The following TET1 variants were observed in gnomAD, a reference collection of about 807,000 sequenced individuals.
The protein encoded by TET1 is methylcytosine dioxygenase TET1.
Under a neutral mutation model 148.7 loss-of-function variants are expected in TET1, and 13 were observed. The ratio of observed to expected loss-of-function variants is 0.09; its 90% confidence interval spans 0.06 to 0.14. The LOEUF (loss-of-function observed/expected upper bound fraction) is 0.14, where lower values mean the gene tolerates loss of function less well. Ranked by LOEUF, TET1 falls within the 10% of genes least tolerant of loss-of-function variation. The pLI, the probability that TET1 is intolerant of heterozygous loss-of-function variation, is 1.00. For missense variants in TET1, 2,182 were observed against 2,553.8 expected, an observed-to-expected ratio of 0.85 and a Z score of 3.14; for synonymous variants, 907 against 937.2, an observed-to-expected ratio of 0.97 and a Z score of 0.59.
Position 68,573,532 on chromosome 10 carries a change from T to G in TET1, c.1194T>G (p.Ile398Met). 6.2e-7 allele frequency: 1 copy of G among 1,614,232 alleles called. No homozygotes were observed. The highest frequency in any genetic ancestry group is 1.1e-5 in the South Asian group (1 of 91,086). Reference protein sequence around the residue: ...ALGETPDLPEIPGAIPVQGEV... With the variant: ...ALGETPDLPEMPGAIPVQGEV... ...GTGAGACCCCAGATCTACCAGAGATTCCTGGTGCTATTCCAGTCCAAGGAG... is the reference window on the plus strand; with the variant it reads ...GTGAGACCCCAGATCTACCAGAGATGCCTGGTGCTATTCCAGTCCAAGGAG... Residue 398 changes from isoleucine to methionine, a missense_variant, in exon 2 of 12, where the codon ATT becomes ATG. Ile to Met is a conservative substitution (Grantham distance 10). Around this residue, in one of 11 missense-constraint regions of TET1, gnomAD observed 665 missense variants for 672.4 expected, o/e 0.99. Coordinates refer to ENST00000373644, the MANE Select transcript of TET1 (RefSeq NM_030625.3).
At chr10:68,564,273 C>T (rs533886312) in intron 1 of TET1, among the ~76,000 whole-genome samples, 1 of 151,868 alleles carries the variant, frequency 6.6e-6, no homozygotes, top group South Asian at 2.1e-4. Flanking sequence ...CTCAGCTTCC[C>T]TAGTAGCTAG....
intron 2 of TET1, among the ~76,000 whole-genome samples, chr10:68,593,761 C>T (rs920089182): frequency 1.3e-4 from 20 of 151,658 alleles, no homozygotes; most frequent in Admixed American, 2.0e-4. Context: ...TACAGGCACC[C>T]GCCACCACGC....
rs2055604436 is a variant in TET1, at chr10:68,692,313, A to G, written c.*499A>G. The G allele has an allele frequency of 4.3e-6, 1 of 232,710 alleles. No homozygotes were observed. The highest frequency in any genetic ancestry group is 8.5e-6 in the Non-Finnish European group (1 of 117,562). The allele number at this position is 232,710 out of a possible 1,614,324, so 14.4% of individuals were successfully genotyped here. Reference sequence around the variant, plus strand: ...CCAATCATTGCTAGAAAATTGGCATATTCCTTTGAAATAAACTTATGAAAT... The same window carrying G: ...CCAATCATTGCTAGAAAATTGGCATGTTCCTTTGAAATAAACTTATGAAAT... On this transcript the variant is annotated 3_prime_UTR_variant, in exon 12 of 12. Coordinates refer to ENST00000373644, the MANE Select transcript of TET1 (RefSeq NM_030625.3).
At chr10:68,680,160 T>C (rs1483665073) in intron 8 of TET1, among the ~76,000 whole-genome samples, 1 of 152,218 alleles carries the variant, frequency 6.6e-6, no homozygotes, top group Non-Finnish European at 1.5e-5. Flanking sequence ...CACTAAATAA[T>C]TGACTTGCTG....
intron 8 of TET1, among the ~76,000 whole-genome samples, chr10:68,673,943 TTTTTCTTTTTCTTTTTC>T (rs2055312731): frequency 1.5e-5 from 2 of 134,462 alleles, no homozygotes; most frequent in African/African-American, 5.7e-5. Context: ...TTCTTTTTTT[TTTTTCTTTTTCTTTTTC>T]TTTTTTTTTT....
At chr10:68,651,029 A>G (rs112338998) in intron 4 of TET1, among the ~76,000 whole-genome samples, 8 of 152,284 alleles carry the variant, frequency 5.3e-5, no homozygotes, top group African/African-American at 1.9e-4. Flanking sequence ...TTATTGTTTC[A>G]ATAGATTTAT....
Position 68,667,035 on chromosome 10 carries a change from G to T in TET1, c.4462-10G>T. On this transcript the variant is annotated splice_polypyrimidine_tract_variant and intron_variant, in intron 6 of 11. Transcript: ENST00000373644. ...TGTCTTCCATAGATGAATGTATTCTGTTTTTTCAGGTTTTAAGAAGAAGCA... is the reference window on the plus strand; with the variant it reads ...TGTCTTCCATAGATGAATGTATTCTTTTTTTTCAGGTTTTAAGAAGAAGCA... The T allele has an allele frequency of 1.2e-6, 2 of 1,611,970 alleles. No individual in the cohort carries two copies. The highest frequency in any genetic ancestry group is 1.1e-5 in the South Asian group (1 of 90,824).
chr10:68,596,706 A>T (rs753914240), intron 2 of TET1, among the ~76,000 whole-genome samples: 5 of 152,154 alleles, frequency 3.3e-5, no homozygotes, highest in Admixed American at 6.6e-5. Context: ...ACAAGTATAG[A>T]TCTTCGTGGT....
chr10:68,579,718 C>G (rs577323271), intron 2 of TET1, among the ~76,000 whole-genome samples: 3 of 152,328 alleles, frequency 2.0e-5, no homozygotes, highest in African/African-American at 7.2e-5. Flanking sequence ...AGCCTAGATT[C>G]ATTAGCAGGG....
At chr10:68,580,313 ATTTT>A (rs1163318028) in intron 2 of TET1, among the ~76,000 whole-genome samples, 2 of 60,434 alleles carry the variant, frequency 3.3e-5, no homozygotes, top group African/African-American at 6.8e-5. Context: ...ATTATATTCA[ATTTT>A]TTTTTTTTTT....
intron 3 of TET1, among the ~76,000 whole-genome samples, chr10:68,626,432 C>T (rs1217115512): frequency 6.6e-6 from 1 of 152,062 alleles, no homozygotes; most frequent in Non-Finnish European, 1.5e-5. Flanking sequence ...AACTCCTGGC[C>T]TCAAGGGATC....
At chr10:68,584,966 G>A (rs1159783399) in intron 2 of TET1, among the ~76,000 whole-genome samples, 4 of 150,650 alleles carry the variant, frequency 2.7e-5, no homozygotes, top group African/African-American at 4.9e-5. Flanking sequence ...GACTACAGGC[G>A]CCTGCCACCA....
chr10:68,610,526 G>A (rs938283067), intron 3 of TET1, among the ~76,000 whole-genome samples: 1 of 151,086 alleles, frequency 6.6e-6, no homozygotes, highest in Non-Finnish European at 1.5e-5. Context: ...AGGGGGCGGA[G>A]GTTGCAGTGA....
At position 68,660,343 on chromosome 10, in the gene TET1, CT is replaced by C. The variant is rs35395692; in HGVS notation, c.4462-6689del. Among the ~76,000 whole-genome samples, 105 of 138,224 alleles carry C rather than the reference CT, an allele frequency of 7.6e-4. 1 individual carries two copies. Among genetic ancestry groups the C allele is most frequent in the Admixed American group, 9.5e-4 (13 of 13,712 alleles). 90.7% of individuals were successfully genotyped at this position (138,224 alleles called of 152,430 possible). On this transcript the variant is annotated intron_variant, in intron 6 of 11. Transcript: ENST00000373644. ...ACTTTTTTCTTTTCTTCTTCTTCTTCTTTTTTTTTTTTTGAGATGGAATTTC... is the reference window on the plus strand; with the variant it reads ...ACTTTTTTCTTTTCTTCTTCTTCTTCTTTTTTTTTTTTGAGATGGAATTTC...
chr10:68,686,582 C>T lies in TET1; in HGVS notation c.5279C>T (p.Ala1760Val), dbSNP rs374692138. 6 of 1,613,936 alleles carry T rather than the reference C, an allele frequency of 3.7e-6. No homozygotes were observed. Among genetic ancestry groups the T allele is most frequent in the African/African-American group, 2.7e-5 (2 of 74,860 alleles). Reference protein sequence around the residue: ...PVPRSGKKRAAMMTEVLAHKI... With the variant: ...PVPRSGKKRAVMMTEVLAHKI... ...CCCCGTTCTGGAAAGAAGAGGGCTG[C>T]GATGATGACAGAGGTTCTTGCACAT... Residue 1760 changes from alanine (A) to valine (V), a missense_variant, in exon 11 of 12, where the codon GCG becomes GTG. Around this residue, in one of 11 missense-constraint regions of TET1, gnomAD observed 380 missense variants for 387.9 expected, o/e 0.98. Coordinates refer to ENST00000373644, the MANE Select transcript of TET1 (RefSeq NM_030625.3).
At chr10:68,622,201 C>CCTTCCTTCCTTCCTTCCTTT (rs2054383671) in intron 3 of TET1, among the ~76,000 whole-genome samples, 2 of 131,284 alleles carry the variant, frequency 1.5e-5, no homozygotes, top group African/African-American at 5.9e-5. Flanking sequence ...TTCCTTCCTT[C>CCTTCCTTCCTTCCTTCCTTT]CTTCCTTCCT....
chr10:68,588,370 A>G (rs539514524), intron 2 of TET1, among the ~76,000 whole-genome samples: 1 of 152,316 alleles, frequency 6.6e-6, no homozygotes, highest in African/African-American at 2.4e-5. Context: ...CGTATGAAAT[A>G]TATGTTCTGC....
chr10:68,662,244 A>G (rs1035976430), intron 6 of TET1, among the ~76,000 whole-genome samples: 3 of 151,978 alleles, frequency 2.0e-5, no homozygotes, highest in Non-Finnish European at 4.4e-5. Flanking sequence ...CCTGACCTCA[A>G]GTGATCCACC....
intron 7 of TET1, 152 bp from the exon 8 acceptor site, chr10:68,672,743 C>A: frequency 1.9e-6 from 1 of 528,940 alleles, no homozygotes; most frequent in Non-Finnish European, 3.0e-6. Flanking sequence ...TTATTGTTAA[C>A]ATTAAACTAT....
Sources: gnomAD v4.1 joint callset for allele counts (sites outside exome capture counted in the v4.1 genomes callset) on GRCh38, gnomAD v4.1.1 for gene constraint, gnomAD v4.1.1 regional missense constraint, MANE v1.5 for transcripts, NCBI Gene and HGNC (gene_info 2026-07-23, HGNC 2026-07-21) for gene names.